PLPP4: variants seen among roughly 807,000 people sequenced by gnomAD.
PLPP4 encodes diacylglycerol pyrophosphate like 2.
A neutral mutation model predicts 32.2 loss-of-function variants in PLPP4; 20 were observed. That is an observed-to-expected ratio of 0.62 (90% CI 0.44 to 0.90). The LOEUF is 0.90. PLPP4 is among the 40% of genes least tolerant of loss of function. The pLI is 0.00. For synonymous variants in PLPP4, 127 were observed against 133.0 expected (o/e 0.95, Z 0.31); for missense variants, 257 against 353.1 (o/e 0.73, Z 2.18).
chr10:120,573,471 A>C (rs1849037428), intron 5 of PLPP4, among the ~76,000 whole-genome samples: 2 of 152,148 alleles, frequency 1.3e-5, no homozygotes, highest in African/African-American at 4.8e-5. Context: ...GATTATCTTG[A>C]ACTTACAGTT....
At chr10:120,532,299 T>A (rs554868042) in intron 5 of PLPP4, among the ~76,000 whole-genome samples, 137 of 152,330 alleles carry the variant, frequency 9.0e-4, no homozygotes, top group African/African-American at 2.9e-3. Context: ...ATTTTGTTTA[T>A]CCATTCTATC....
intron 5 of PLPP4, among the ~76,000 whole-genome samples, chr10:120,527,981 AT>A (rs1486054642): frequency 6.7e-6 from 1 of 149,388 alleles, no homozygotes; most frequent in Non-Finnish European, 1.5e-5. Flanking sequence ...AAATTGCAAG[AT>A]TTGTTTGTTT....
rs553888518 is a variant in PLPP4 at position 120,581,041 on chromosome 10, C to G, written c.616+5740C>G. On this transcript the variant is annotated intron_variant, in intron 6 of 6. Coordinates refer to ENST00000398250, the MANE Select transcript of PLPP4 (RefSeq NM_001030059.3). ...GTGCCTAGGAGAGCGTAAGAAGCCT[C>G]AGCCCCTGGCTCACCCCTCCCTCCG... 4.5e-4 allele frequency: 577 copies of G among 1,287,920 alleles called. 1 individual carries two copies. The highest frequency in any genetic ancestry group is 5.4e-4 in the Non-Finnish European group (538 of 987,918). The allele number at this position is 1,287,920 out of a possible 1,614,324, so 79.8% of individuals were successfully genotyped here.
At position 120,462,496 on chromosome 10, in the gene PLPP4, C is replaced by T. The variant is rs527560205; in HGVS notation, c.56+5135C>T. Reference sequence around the variant, plus strand: ...CACAGCTCCCCAGGACAAGTACTGTCTGCACTGCGTTGTGGTCAGCCATCT... The same window carrying T: ...CACAGCTCCCCAGGACAAGTACTGTTTGCACTGCGTTGTGGTCAGCCATCT... On this transcript the variant is annotated intron_variant, in intron 1 of 6. Transcript: ENST00000398250. 2.6e-5 allele frequency among the ~76,000 whole-genome samples: 4 copies of T among 152,366 alleles called. No homozygotes were observed. The South Asian group carries it at 8.3e-4, about 32-fold the overall frequency.
chr10:120,536,011 T>C (rs1195767883), intron 5 of PLPP4, among the ~76,000 whole-genome samples: 1 of 152,070 alleles, frequency 6.6e-6, no homozygotes, highest in Non-Finnish European at 1.5e-5. Flanking sequence ...TTTTGGGAAA[T>C]GGACATCTAT....
chr10:120,465,383 A>G (rs1848266053), intron 1 of PLPP4, among the ~76,000 whole-genome samples: 1 of 152,178 alleles, frequency 6.6e-6, no homozygotes, highest in Non-Finnish European at 1.5e-5. Context: ...TGCAGAACCC[A>G]GGGGCAGCTT....
intron 1 of PLPP4, among the ~76,000 whole-genome samples, chr10:120,464,821 C>T (rs544023309): frequency 1.3e-5 from 2 of 152,132 alleles, no homozygotes; most frequent in African/African-American, 4.8e-5. Flanking sequence ...CATCAGGCAC[C>T]CTCTCAGCCC....
At chr10:120,494,364 C>T (rs549048884) in intron 1 of PLPP4, among the ~76,000 whole-genome samples, 1 of 152,200 alleles carries the variant, frequency 6.6e-6, no homozygotes, top group African/African-American at 2.4e-5. Context: ...AGTCAAGCAC[C>T]TTGCCCAAGG....
intron 6 of PLPP4, chr10:120,581,029 CG>C (rs1564856040): frequency 7.8e-7 from 1 of 1,289,004 alleles, no homozygotes; most frequent in Non-Finnish European, 1.0e-6. Flanking sequence ...CCTAGGAGAG[CG>C]TAAGAAGCCT....
At chr10:120,524,629 T>G (rs2133918452) in intron 5 of PLPP4, among the ~76,000 whole-genome samples, 1 of 152,320 alleles carries the variant, frequency 6.6e-6, no homozygotes, top group African/African-American at 2.4e-5. Flanking sequence ...CAAACAACAC[T>G]TGTCTGAAGG....
At chr10:120,509,874 A>G (rs1455526171) in intron 2 of PLPP4, among the ~76,000 whole-genome samples, 1 of 152,172 alleles carries the variant, frequency 6.6e-6, no homozygotes, top group Non-Finnish European at 1.5e-5. Context: ...AACTTGGAAA[A>G]AAAGCATGCA....
At chr10:120,509,590 G>A (rs1021135548) in intron 2 of PLPP4, among the ~76,000 whole-genome samples, 2 of 152,144 alleles carry the variant, frequency 1.3e-5, no homozygotes, top group Non-Finnish European at 2.9e-5. Context: ...GGGAATCACC[G>A]AGATTCAGGA....
chr10:120,506,064 T>G (rs942700355), intron 2 of PLPP4, among the ~76,000 whole-genome samples: 1 of 152,252 alleles, frequency 6.6e-6, no homozygotes, highest in African/African-American at 2.4e-5. Context: ...GTAAATACGA[T>G]GGAGCAATTT....
chr10:120,565,313 G>A (rs994783284), intron 5 of PLPP4, among the ~76,000 whole-genome samples: 7 of 109,098 alleles, frequency 6.4e-5, no homozygotes, highest in South Asian at 3.4e-4. Flanking sequence ...ATTTGTTTGT[G>A]TGGTGTGTGT....
chr10:120,474,858 G>A (rs1424479556), intron 1 of PLPP4, among the ~76,000 whole-genome samples: 1 of 152,202 alleles, frequency 6.6e-6, no homozygotes, highest in Non-Finnish European at 1.5e-5. Context: ...ACTCTATAAG[G>A]TAGGAATTTT....
At chr10:120,568,649 GC>G (rs1413420646) in intron 5 of PLPP4, among the ~76,000 whole-genome samples, 9 of 152,166 alleles carry the variant, frequency 5.9e-5, no homozygotes, top group Non-Finnish European at 1.0e-4. Context: ...ACCTGCTCAT[GC>G]TCATATCAGC....
At chr10:120,483,256 C>T (rs1016344251) in intron 1 of PLPP4, among the ~76,000 whole-genome samples, 1 of 152,260 alleles carries the variant, frequency 6.6e-6, no homozygotes, top group South Asian at 2.1e-4. Context: ...TTTTGAGACT[C>T]CTGCTGATCC....
At chr10:120,459,211 C>A (rs1847929591) in intron 1 of PLPP4, among the ~76,000 whole-genome samples, 1 of 152,190 alleles carries the variant, frequency 6.6e-6, no homozygotes, top group African/African-American at 2.4e-5. Context: ...CTCTGAAGTT[C>A]CCTCTTGTGT....
chr10:120,512,528 T>C (rs555039456), intron 2 of PLPP4, among the ~76,000 whole-genome samples: 1 of 152,322 alleles, frequency 6.6e-6, no homozygotes, highest in Non-Finnish European at 1.5e-5. Flanking sequence ...CCCGAGATAA[T>C]TTGAGCTCTA....
Sources: allele counts gnomAD v4.1 joint callset (sites outside exome capture counted in the v4.1 genomes callset), GRCh38; gene constraint gnomAD v4.1.1; transcripts MANE v1.5; gene names NCBI Gene and HGNC (gene_info 2026-07-23, HGNC 2026-07-21).